Variants in CYP3A43 observed in about 807,000 individuals in gnomAD.
CYP3A43 encodes the protein cytochrome P450 3A43.
In CYP3A43, 45 loss-of-function variants were observed where a neutral mutation model predicts 58.0. That is an observed-to-expected ratio of 0.78 (90% CI 0.61 to 0.99). The LOEUF is 0.99. Among genes scored for constraint, CYP3A43 ranks in the 50% least tolerant of loss-of-function variants. The pLI is 0.00. For missense variants in CYP3A43, 593 were observed against 591.9 expected (o/e 1.00, Z -0.02); for synonymous variants, 191 against 201.4 (o/e 0.95, Z 0.44).
chr7:99,839,834 T>C (rs1378432781), intron 3 of CYP3A43, among the ~76,000 whole-genome samples: 1 of 152,212 alleles, frequency 6.6e-6, no homozygotes, highest in Non-Finnish European at 1.5e-5. Context: ...GTCATTTGCA[T>C]AGCACATAAA....
intron 1 of CYP3A43, among the ~76,000 whole-genome samples, chr7:99,832,006 G>A (rs1816860613): frequency 6.6e-6 from 1 of 152,122 alleles, no homozygotes; most frequent in Non-Finnish European, 1.5e-5. Flanking sequence ...TATGAAGCCA[G>A]TGGAAGCCTT....
rs146058406 is a variant in CYP3A43 at position 99,861,743 on chromosome 7, T to G, written c.1157T>G (p.Val386Gly). Residue 386 changes from valine (V) to glycine (G), a missense_variant, in exon 11 of 13, where the codon GTG becomes GGG. By Grantham distance (109) the Val-to-Gly change is moderately radical. Coordinates refer to ENST00000354829, the MANE Select transcript of CYP3A43 (RefSeq NM_057095.3). ...AAGAAAGATATTGAAATCAATGGAG[T>G]GTTCATTCCCAAAGGGTTAGCAGTG... ...VCKKDIEING[V>G]FIPKGLAVMV... 149 of 1,613,822 alleles carry G rather than the reference T, an allele frequency of 9.2e-5. No individual in the cohort carries two copies. The highest frequency in any genetic ancestry group is 1.2e-4 in the Non-Finnish European group (136 of 1,179,986).
At chr7:99,852,811 T>A (rs967207431) in intron 7 of CYP3A43, among the ~76,000 whole-genome samples, 3 of 152,210 alleles carry the variant, frequency 2.0e-5, no homozygotes, top group Non-Finnish European at 4.4e-5. Flanking sequence ...CTTCTATTTT[T>A]AGTTGCTGAG....
chr7:99,839,827 A>G (rs1301965885), intron 3 of CYP3A43, among the ~76,000 whole-genome samples: 1 of 152,196 alleles, frequency 6.6e-6, no homozygotes, highest in Non-Finnish European at 1.5e-5. Context: ...CAGGTGTGTC[A>G]TTTGCATAGC....
chr7:99,863,301 A>C (rs1341189455), intron 11 of CYP3A43, among the ~76,000 whole-genome samples: 4 of 152,204 alleles, frequency 2.6e-5, no homozygotes, highest in Non-Finnish European at 5.9e-5. Context: ...ACTTTCCTCC[A>C]TCAAAATTTT....
intron 3 of CYP3A43, among the ~76,000 whole-genome samples, chr7:99,839,691 C>T (rs1247074829): frequency 1.3e-5 from 2 of 152,130 alleles, no homozygotes; most frequent in Admixed American, 1.3e-4. Flanking sequence ...AAGAGAAAAG[C>T]TCTCTCCTGC....
chr7:99,843,394 T>C (rs975156061), intron 3 of CYP3A43, among the ~76,000 whole-genome samples: 1 of 152,148 alleles, frequency 6.6e-6, no homozygotes, highest in Non-Finnish European at 1.5e-5. Flanking sequence ...CTGTCACTTT[T>C]TGGTTAACAA....
In CYP3A43 at chr7:99,828,104, A is replaced by T. The variant is rs1816696931; in HGVS notation, c.-12A>T. 2 of 1,612,646 alleles carry T rather than the reference A, an allele frequency of 1.2e-6. No individual in the cohort carries two copies. Among genetic ancestry groups the T allele is most frequent in the East Asian group, 4.5e-5 (2 of 44,874 alleles). On this transcript the variant is annotated 5_prime_UTR_variant, in exon 1 of 13. In the 5' UTR this introduces an upstream ATG that the reference lacks. Transcript: ENST00000354829. Reference sequence around the variant, plus strand: ...AAAACTCAGAAGACAGAGCTGAAAAAGAAAACTGGTGATGGATCTCATTCC... The same window carrying T: ...AAAACTCAGAAGACAGAGCTGAAAATGAAAACTGGTGATGGATCTCATTCC...
rs558972032 is a variant in CYP3A43, at chr7:99,855,611, CCA to C, written c.692_693del (p.Pro231ArgfsTer3). 1.9e-6 allele frequency: 3 copies of C among 1,610,294 alleles called. No homozygotes were observed. The highest frequency in any genetic ancestry group is 2.5e-6 in the Non-Finnish European group (3 of 1,178,086). On this transcript the variant is annotated frameshift_variant, in exon 8 of 13. Coordinates refer to ENST00000354829, the MANE Select transcript of CYP3A43 (RefSeq NM_057095.3). LOFTEE classifies it high-confidence loss of function. ...TATAGCACTCTTTCCATTTCTTACC[CCA>C]GTTTTTGAAGCCCTAAATATCGGTT... is the stretch of plus-strand genomic sequence containing the variant. ...LLISLFPFLTPVFEALNIGLF... is the reference protein window; with the variant it reads ...LLISLFPFLTXVFEALNIGLF...
At chr7:99,837,463 GCTT>G (rs1817144099) in intron 2 of CYP3A43, among the ~76,000 whole-genome samples, 1 of 152,178 alleles carries the variant, frequency 6.6e-6, no homozygotes, top group South Asian at 2.1e-4. Context: ...TTGTGCTCCA[GCTT>G]CTTCTCCCCA....
At chr7:99,850,569 G>A (rs957353968) in intron 7 of CYP3A43, among the ~76,000 whole-genome samples, 3 of 151,902 alleles carry the variant, frequency 2.0e-5, no homozygotes, top group African/African-American at 7.3e-5. Context: ...TGTTGCCCAG[G>A]CTGGTCTTGA....
rs538636991 is a variant in CYP3A43, at chr7:99,844,358, C to A, written c.318+116C>A. Reference sequence around the variant, plus strand: ...GTGCTTTATACTTCGTCCTATTTCCCCCAATGGTGATGTCTTATTTAACTG... The same window carrying A: ...GTGCTTTATACTTCGTCCTATTTCCACCAATGGTGATGTCTTATTTAACTG... On this transcript the variant is annotated intron_variant, in intron 4 of 12. Coordinates refer to ENST00000354829, the MANE Select transcript of CYP3A43 (RefSeq NM_057095.3). 6.7e-4 allele frequency: 620 copies of A among 931,676 alleles called. 1 individual carries two copies. The highest frequency in any genetic ancestry group is 9.8e-4 in the Non-Finnish European group (599 of 610,518). The allele number at this position is 931,676 out of a possible 1,614,324, so 57.7% of individuals were successfully genotyped here. A position where few individuals can be genotyped will look rare whatever the true frequency, so the allele number is the denominator to read the frequency against.
intron 3 of CYP3A43, 131 bp from the exon 4 acceptor site, chr7:99,844,012 C>G: frequency 1.5e-6 from 1 of 663,438 alleles, no homozygotes; most frequent in South Asian, 2.2e-5. Flanking sequence ...TTGGAGCTGG[C>G]TTTGCTGTGT....
At chr7:99,857,607 C>G (rs1038557938) in intron 9 of CYP3A43, among the ~76,000 whole-genome samples, 1 of 152,124 alleles carries the variant, frequency 6.6e-6, no homozygotes, top group Non-Finnish European at 1.5e-5. Context: ...CTTTGGGAGG[C>G]CGAGGCAGGT....
chr7:99,835,434 A>G (rs765511647), intron 1 of CYP3A43, among the ~76,000 whole-genome samples: 28 of 152,330 alleles, frequency 1.8e-4, no homozygotes, highest in Admixed American at 4.6e-4. Flanking sequence ...TTATGAACAT[A>G]TGCGGTATGG....
At chr7:99,865,853 T>C in intron 12 of CYP3A43, 53 bp from the exon 13 acceptor site, 4 of 1,324,506 alleles carry the variant, frequency 3.0e-6, no homozygotes. Context: ...TTTGCTTCTA[T>C]CTTTTCTTCA....
At chr7:99,842,165 T>C (rs1025911738) in intron 3 of CYP3A43, among the ~76,000 whole-genome samples, 4 of 152,212 alleles carry the variant, frequency 2.6e-5, no homozygotes, top group African/African-American at 9.6e-5. Flanking sequence ...ATGCCCATTT[T>C]CTGCCAAACT....
At chr7:99,828,779 C>T (rs1288793141) in intron 1 of CYP3A43, among the ~76,000 whole-genome samples, 1 of 152,202 alleles carries the variant, frequency 6.6e-6, no homozygotes, top group Non-Finnish European at 1.5e-5. Context: ...CATTCTTTCC[C>T]TCCTGAAGTG....
chr7:99,855,428 A>G (rs1306823718), intron 7 of CYP3A43, 163 bp from the exon 8 acceptor site: 1 of 867,254 alleles, frequency 1.2e-6, no homozygotes, highest in Non-Finnish European at 1.7e-6. Context: ...GGCATGGAAG[A>G]GGGGCAAAGG....
Sources: gnomAD v4.1 joint callset for allele counts (sites outside exome capture counted in the v4.1 genomes callset) on GRCh38, gnomAD v4.1.1 for gene constraint, MANE v1.5 for transcripts, NCBI Gene and HGNC (gene_info 2026-07-23, HGNC 2026-07-21) for gene names.